The following ATP6V0D2 variants were observed in gnomAD, a reference collection of about 807,000 sequenced individuals.
ATP6V0D2 encodes the protein V-type proton ATPase subunit d 2.
A neutral mutation model predicts 40.0 loss-of-function variants in ATP6V0D2; 40 were observed. The observed-to-expected ratio is 1.00, with a 90% CI of 0.78 to 1.30. ATP6V0D2 has a LOEUF of 1.30. ATP6V0D2 is among the 50% of genes most tolerant of loss of function. ATP6V0D2 has a pLI of 0.00. For missense variants in ATP6V0D2, 470 were observed against 423.1 expected (o/e 1.11, Z -0.97); for synonymous variants, 179 against 156.3 (o/e 1.15, Z -1.08).
chr8:86,105,866 G>A (rs985916513), intron 1 of ATP6V0D2, among the ~76,000 whole-genome samples: 2 of 151,666 alleles, frequency 1.3e-5, no homozygotes, highest in Admixed American at 6.6e-5. Flanking sequence ...TGCCCATCTC[G>A]GCCTCCCAAA....
intron 1 of ATP6V0D2, among the ~76,000 whole-genome samples, chr8:86,101,807 C>A (rs1010469319): frequency 1.3e-5 from 2 of 152,094 alleles, no homozygotes. Context: ...CTGAAGCCAC[C>A]CCACCTGTGC....
At chr8:86,108,704 G>A (rs1403793491) in intron 1 of ATP6V0D2, among the ~76,000 whole-genome samples, 1 of 152,060 alleles carries the variant, frequency 6.6e-6, no homozygotes, top group African/African-American at 2.4e-5. Flanking sequence ...GAGTAGCTGG[G>A]GTTACAAGCA....
chr8:86,150,441 T>A (rs1353709909), intron 6 of ATP6V0D2, among the ~76,000 whole-genome samples, 153 bp downstream of exon 6: 1 of 152,110 alleles, frequency 6.6e-6, no homozygotes, highest in South Asian at 2.1e-4. Flanking sequence ...AATCTCTCCC[T>A]AAGAAACACG....
chr8:86,126,708 A>T (rs6994457), intron 2 of ATP6V0D2, among the ~76,000 whole-genome samples: 127,874 of 152,112 alleles, frequency 0.84, 53,931 homozygotes, highest in African/African-American at 0.88. Flanking sequence ...GCTGGAGACA[A>T]TTGAAAAGCT....
chr8:86,145,341 AGAAGGAAAGAAGGAAG>A lies in ATP6V0D2; in HGVS notation c.639+2395_639+2410del, dbSNP rs1444331210. On this transcript the variant is annotated intron_variant, in intron 5 of 7. Coordinates refer to ENST00000285393, the MANE Select transcript of ATP6V0D2 (RefSeq NM_152565.1). ...AAGAAGGAAAGAAGGAAAGAAGGAA[AGAAGGAAAGAAGGAAG>A]GAAGGAAGGAAGGAAGGAAAGAAAA... Among the ~76,000 whole-genome samples, 76 of 88,916 alleles carry A rather than the reference AGAAGGAAAGAAGGAAG, an allele frequency of 8.5e-4. 1 individual carries two copies. Among genetic ancestry groups the A allele is most frequent in the African/African-American group, 2.5e-3 (62 of 25,118 alleles). 58.3% of individuals were successfully genotyped at this position (88,916 alleles called of 152,430 possible).
At chr8:86,140,508 T>A (rs1310294350) in intron 3 of ATP6V0D2, among the ~76,000 whole-genome samples, 2 of 152,142 alleles carry the variant, frequency 1.3e-5, no homozygotes, top group Admixed American at 1.3e-4. Flanking sequence ...GAAATAATCG[T>A]ATCTTTTTAT....
chr8:86,112,468 G>A lies in ATP6V0D2; in HGVS notation c.131-1241G>A, dbSNP rs568765335. Among the ~76,000 whole-genome samples, 12 of 152,212 alleles carry A rather than the reference G, an allele frequency of 7.9e-5. No homozygotes were observed. The South Asian group carries it at 2.5e-3, about 32-fold the overall frequency. ...AAGTTACTAACCTCTCTGAGCTTCA[G>A]TGTTCTTATCTGTACAAAGGCATAG... On this transcript the variant is annotated intron_variant, in intron 1 of 7. Transcript: ENST00000285393.
At chr8:86,144,807 C>T (rs1332305657) in intron 5 of ATP6V0D2, among the ~76,000 whole-genome samples, 1 of 151,938 alleles carries the variant, frequency 6.6e-6, no homozygotes, top group Non-Finnish European at 1.5e-5. Context: ...GCTGGAACCA[C>T]ATGCACATGC....
At chr8:86,146,630 A>G (rs576747639) in intron 5 of ATP6V0D2, among the ~76,000 whole-genome samples, 72 of 152,288 alleles carry the variant, frequency 4.7e-4, no homozygotes, top group Middle Eastern at 3.4e-3. Flanking sequence ...CAGAAATTCC[A>G]GGTTACAGTG....
chr8:86,104,137 G>T (rs2130226137), intron 1 of ATP6V0D2, among the ~76,000 whole-genome samples: 1 of 152,160 alleles, frequency 6.6e-6, no homozygotes, highest in East Asian at 1.9e-4. Context: ...CTTTTATGTG[G>T]CATAGTTTGG....
chr8:86,144,629 T>G (rs1819022078), intron 5 of ATP6V0D2, among the ~76,000 whole-genome samples: 1 of 152,166 alleles, frequency 6.6e-6, no homozygotes, highest in African/African-American at 2.4e-5. Context: ...GTTTTATAGT[T>G]GAAGATATTT....
At chr8:86,111,682 G>C (rs1818529122) in intron 1 of ATP6V0D2, among the ~76,000 whole-genome samples, 1 of 152,090 alleles carries the variant, frequency 6.6e-6, no homozygotes, top group Non-Finnish European at 1.5e-5. Flanking sequence ...ACACTGAACT[G>C]CTTTGAGCTC....
intron 2 of ATP6V0D2, 63 bp from the exon 3 acceptor site, chr8:86,139,394 T>C: frequency 7.1e-7 from 1 of 1,414,472 alleles, no homozygotes; most frequent in Non-Finnish European, 9.6e-7. Context: ...TGTTTTTTAC[T>C]TGTGGGATGC....
At chr8:86,149,055 G>GAAAA (rs1376369799) in intron 5 of ATP6V0D2, among the ~76,000 whole-genome samples, 35 of 110,042 alleles carry the variant, frequency 3.2e-4, no homozygotes, top group Admixed American at 7.1e-4. Context: ...TCCAAAGGAA[G>GAAAA]AAAAAAAAAA....
chr8:86,115,508 G>A (rs1818581679), intron 2 of ATP6V0D2, among the ~76,000 whole-genome samples: 1 of 151,438 alleles, frequency 6.6e-6, no homozygotes, highest in Non-Finnish European at 1.5e-5. Context: ...AGCTGGGATT[G>A]CAGGCATGTG....
rs568525890 is a variant in ATP6V0D2, at chr8:86,131,302, C to A, written c.303-8155C>A. On this transcript the variant is annotated intron_variant, in intron 2 of 7. Coordinates refer to ENST00000285393, the MANE Select transcript of ATP6V0D2 (RefSeq NM_152565.1). ...GCAACCTCTGCCTCCTGATTTCAAG[C>A]GATTCTCCTGCCTCAGCCTCCCCAG... Among the ~76,000 whole-genome samples the A allele has an allele frequency of 2.8e-4, 42 of 151,548 alleles. 1 individual carries two copies. Among genetic ancestry groups the A allele is most frequent in the South Asian group, 6.3e-4 (3 of 4,792 alleles).
intron 2 of ATP6V0D2, among the ~76,000 whole-genome samples, chr8:86,123,024 A>G (rs945097005): frequency 2.4e-4 from 37 of 152,062 alleles, no homozygotes; most frequent in African/African-American, 8.9e-4. Context: ...ATACCCCCTC[A>G]CTTAATGGTC....
At chr8:86,124,706 G>A (rs555380067) in intron 2 of ATP6V0D2, among the ~76,000 whole-genome samples, 2 of 152,202 alleles carry the variant, frequency 1.3e-5, no homozygotes, top group Admixed American at 6.5e-5. Flanking sequence ...TTTAAAAACA[G>A]AACCAGATAC....
At position 86,133,316 on chromosome 8, in the gene ATP6V0D2, C is replaced by CTTTTTTTT. The variant is rs1242479597; in HGVS notation, c.303-6123_303-6116dup. Among the ~76,000 whole-genome samples, 11 of 77,298 alleles carry CTTTTTTTT rather than the reference C, an allele frequency of 1.4e-4. 1 individual carries two copies. Among genetic ancestry groups the CTTTTTTTT allele is most frequent in the Non-Finnish European group, 2.3e-4 (10 of 42,836 alleles). 50.7% of individuals were successfully genotyped at this position (77,298 alleles called of 152,430 possible). A position where few individuals can be genotyped will look rare whatever the true frequency, so the allele number is the denominator to read the frequency against. On this transcript the variant is annotated intron_variant, in intron 2 of 7. Coordinates refer to ENST00000285393, the MANE Select transcript of ATP6V0D2 (RefSeq NM_152565.1). ...AGGGGCAGCTTCACAAACAGAAAGT[C>CTTTTTTTT]TTTTTTTTTTTTTTTTTTTTTTTTT...
Sources: gnomAD v4.1 joint callset for allele counts (sites outside exome capture counted in the v4.1 genomes callset) on GRCh38, gnomAD v4.1.1 for gene constraint, MANE v1.5 for transcripts, NCBI Gene and HGNC (gene_info 2026-07-23, HGNC 2026-07-21) for gene names.